Variants in SMARCA2 observed in about 807,000 individuals in gnomAD.
SMARCA2 encodes the protein SWI/SNF related BAF chromatin remodeling complex subunit ATPase 2.
Under a neutral mutation model 199.8 loss-of-function variants are expected in SMARCA2, and 61 were observed. The observed-to-expected ratio is 0.31, with a 90% CI of 0.25 to 0.38. The LOEUF is 0.38. Ranked by LOEUF, SMARCA2 falls within the 10% of genes least tolerant of loss-of-function variation. The pLI is 1.00. For synonymous variants in SMARCA2, 935 were observed against 732.0 expected, an observed-to-expected ratio of 1.28 and a Z score of -4.48; for missense variants, 1,344 against 2,012.2, an observed-to-expected ratio of 0.67 and a Z score of 6.35.
chr9:2,142,975 T>A (rs1218704235), intron 27 of SMARCA2, among the ~76,000 whole-genome samples: 5 of 152,128 alleles, frequency 3.3e-5, no homozygotes, highest in African/African-American at 1.2e-4. Context: ...TTAAAATGAT[T>A]TTTTTTAAGT....
At chr9:2,153,539 T>TAAAGC (rs997271440) in intron 27 of SMARCA2, among the ~76,000 whole-genome samples, 2 of 152,064 alleles carry the variant, frequency 1.3e-5, no homozygotes, top group African/African-American at 2.4e-5. Context: ...CCGTCTAGAA[T>TAAAGC]AAAGCAAAGC....
chr9:2,109,989 GT>G (rs1822926726), intron 23 of SMARCA2, among the ~76,000 whole-genome samples: 1 of 152,150 alleles, frequency 6.6e-6, no homozygotes, highest in South Asian at 2.1e-4. Context: ...TGTTTTCATT[GT>G]TTTAGGTGAG....
rs763845550 is a variant in SMARCA2 at position 2,104,003 on chromosome 9, G to C, written c.3126G>C (p.Gly1042=). The part of the protein sequence containing the change: ...HLGYSNGVIN[G]AELYRASGKF... The stretch of plus-strand genomic sequence containing the variant: ...TGTTTTTGCATTTTTTTGGGTTCAG[G>C]GCTGAACTGTATCGGGCCTCAGGGA... The change falls in exon 23 of 34, where the codon GGG becomes GGC. Residue 1042 remains glycine (G), a splice_region_variant and synonymous_variant. Transcript: ENST00000349721. The surrounding 1 kb of genome is among the most constrained non-coding windows in gnomAD (Gnocchi z 4.0). The C allele has an allele frequency of 6.2e-7, 1 of 1,613,418 alleles. No individual in the cohort carries two copies. Among genetic ancestry groups the C allele is most frequent in the Admixed American group, 1.7e-5 (1 of 59,956 alleles).
intron 29 of SMARCA2, 87 bp from the exon 30 acceptor site, chr9:2,181,484 T>A: frequency 1.3e-6 from 1 of 745,664 alleles, no homozygotes; most frequent in South Asian, 1.5e-5. Flanking sequence ...ATAATTTACT[T>A]TGTTGACATG....
In SMARCA2 at chr9:2,170,656, TTGGTGC is replaced by T. The variant is rs1262700137; in HGVS notation, c.4253+187_4253+192del. 6.6e-6 allele frequency among the ~76,000 whole-genome samples: 1 copy of T among 152,218 alleles called. No individual in the cohort carries two copies. Among genetic ancestry groups the T allele is most frequent in the Non-Finnish European group, 1.5e-5 (1 of 68,036 alleles). On this transcript the variant is annotated intron_variant, in intron 29 of 33. Transcript: ENST00000349721. This position sits in a 1 kb window ranked among gnomAD's most constrained non-coding sequence, Gnocchi z 4.7. Reference sequence around the variant, plus strand: ...ACAGCTGTCATGGCTTCTGAAGTTGTTGGTGCTGTATTTTAATCTGGCTGTGCCAAT... The same window carrying T: ...ACAGCTGTCATGGCTTCTGAAGTTGTTGTATTTTAATCTGGCTGTGCCAAT...
At position 2,090,074 on chromosome 9, in the gene SMARCA2, A is replaced by C. The variant is rs116841402; in HGVS notation, c.2883+1461A>C. On this transcript the variant is annotated intron_variant, in intron 19 of 33. Transcript: ENST00000349721. ...ATGTTATGTTGTAAGAAAATCCACT[A>C]GAGAAAAATTGAAATTTTTGCAGCT... Among the ~76,000 whole-genome samples the C allele has an allele frequency of 1.2e-3, 186 of 152,298 alleles. 1 individual carries two copies. Among genetic ancestry groups the C allele is most frequent in the Non-Finnish European group, 1.9e-3 (126 of 68,012 alleles).
intron 17 of SMARCA2, among the ~76,000 whole-genome samples, chr9:2,085,203 C>G (rs957928651): frequency 6.6e-6 from 1 of 152,144 alleles, no homozygotes; most frequent in African/African-American, 2.4e-5. Context: ...TCCTCACACT[C>G]AGAGATGAAT....
intron 1 of SMARCA2, among the ~76,000 whole-genome samples, chr9:2,015,726 G>T (rs2130097363): frequency 6.6e-6 from 1 of 152,308 alleles, no homozygotes; most frequent in East Asian, 1.9e-4. Context: ...TACTTCAAGG[G>T]GGCAAAGGAG....
chr9:2,127,939 G>A (rs1823767460), intron 27 of SMARCA2, among the ~76,000 whole-genome samples: 1 of 151,372 alleles, frequency 6.6e-6, no homozygotes, highest in African/African-American at 2.5e-5. Context: ...TTAATCAGGA[G>A]GATCACAATT....
At position 2,161,883 on chromosome 9, in the gene SMARCA2, T is replaced by A; in HGVS notation, c.4179T>A (p.Thr1393=). Residue 1393 remains threonine, a synonymous_variant, in exon 28 of 34, where the codon ACT becomes ACA. Coordinates refer to ENST00000349721, the MANE Select transcript of SMARCA2 (RefSeq NM_003070.5). The surrounding 1 kb of genome is among the most constrained non-coding windows in gnomAD (Gnocchi z 4.7). ...LTKQMNAIID[T]VINYKDRCNV... is the part of the protein sequence containing the mutation. ...AGCAGATGAACGCTATCATCGATAC[T>A]GTGATAAACTACAAAGATAGGTGAG... The A allele has an allele frequency of 6.2e-7, 1 of 1,613,876 alleles. No homozygotes were observed. Among genetic ancestry groups the A allele is most frequent in the Non-Finnish European group, 8.5e-7 (1 of 1,179,776 alleles).
intron 27 of SMARCA2, chr9:2,159,511 T>G (rs1403550606): frequency 1.3e-5 from 3 of 238,498 alleles, no homozygotes; most frequent in Non-Finnish European, 2.4e-5. Flanking sequence ...TTTTTTAAAA[T>G]AAATTTGAAT....
In SMARCA2 at chr9:2,060,914, G is replaced by T; in HGVS notation, c.1620G>T (p.Leu540=). The T allele has an allele frequency of 6.2e-7, 1 of 1,614,084 alleles. No homozygotes were observed. Among genetic ancestry groups the T allele is most frequent in the South Asian group, 1.1e-5 (1 of 91,028 alleles). Residue 540 remains leucine, a synonymous_variant, in exon 9 of 34, where the codon CTG becomes CTT. Transcript: ENST00000349721. The stretch of plus-strand genomic sequence containing the variant: ...AGACCGATGAGTATGTAGCCAATCT[G>T]ACCAATCTGGTTTGGGAGCACAAGC... The part of the protein sequence containing the change: ...LQQTDEYVAN[L]TNLVWEHKQA...
intron 30 of SMARCA2, 139 bp from the exon 31 acceptor site, chr9:2,182,002 G>A: frequency 2.8e-6 from 2 of 713,654 alleles, no homozygotes; most frequent in Middle Eastern, 3.6e-4. Context: ...GGCGCCCCCT[G>A]GGGTTATGCA....
intron 10 of SMARCA2, among the ~76,000 whole-genome samples, chr9:2,071,648 G>C (rs1418266727): frequency 6.6e-6 from 1 of 152,092 alleles, no homozygotes; most frequent in Non-Finnish European, 1.5e-5. Context: ...TGGACATCTT[G>C]CTCTATTTTG....
intron 23 of SMARCA2, among the ~76,000 whole-genome samples, chr9:2,109,126 C>T (rs998268525): frequency 1.3e-5 from 2 of 152,180 alleles, no homozygotes; most frequent in African/African-American, 2.4e-5. Flanking sequence ...TAGCTATAGT[C>T]ACTTAAATGT....
chr9:2,097,360 T>A, intron 20 of SMARCA2, 25 bp from the exon 21 acceptor site: 1 of 1,430,460 alleles, frequency 7.0e-7, no homozygotes, highest in Admixed American at 1.7e-5. Context: ...ATTAATTCTA[T>A]TTTTCCCTTT....
intron 21 of SMARCA2, among the ~76,000 whole-genome samples, chr9:2,099,956 G>A (rs1822438266): frequency 6.6e-6 from 1 of 152,192 alleles, no homozygotes; most frequent in Non-Finnish European, 1.5e-5. Context: ...TCTAGGGGAT[G>A]GAGTTGAGGT....
intron 27 of SMARCA2, among the ~76,000 whole-genome samples, chr9:2,139,645 C>G (rs111895087): frequency 2.7e-5 from 4 of 149,416 alleles, no homozygotes; most frequent in African/African-American, 9.9e-5. Context: ...ATCACTACCC[C>G]CAATATAGTC....
intron 27 of SMARCA2, chr9:2,158,939 C>G: frequency 2.5e-6 from 4 of 1,611,862 alleles, no homozygotes; most frequent in Non-Finnish European, 3.4e-6. Context: ...TTGTAGCTCT[C>G]TGCATTCCTG....
Sources: allele counts gnomAD v4.1 joint callset (sites outside exome capture counted in the v4.1 genomes callset), GRCh38; gene constraint gnomAD v4.1.1; non-coding constraint Gnocchi (gnomAD v3.1); transcripts MANE v1.5; gene names NCBI Gene and HGNC (gene_info 2026-07-23, HGNC 2026-07-21).